CCDC7: variants seen among roughly 807,000 people sequenced by gnomAD.
The protein encoded by CCDC7 is coiled-coil domain containing 7.
In CCDC7, 183 loss-of-function variants were observed where a neutral mutation model predicts 196.9. The ratio of observed to expected loss-of-function variants is 0.93; its 90% CI spans 0.82 to 1.05. CCDC7 has a LOEUF of 1.05. Among genes scored for constraint, CCDC7 ranks in the 50% least tolerant of loss-of-function variants. The pLI is 0.00. For synonymous variants in CCDC7, 525 were observed against 484.6 expected, an observed-to-expected ratio of 1.08 and a Z score of -1.10; for missense variants, 1,540 against 1,482.2, an observed-to-expected ratio of 1.04 and a Z score of -0.64.
At chr10:32,526,304 C>T (rs1294821602) in intron 11 of CCDC7, among the ~76,000 whole-genome samples, 1 of 152,162 alleles carries the variant, frequency 6.6e-6, no homozygotes, top group Non-Finnish European at 1.5e-5. Context: ...ACTCACCCTT[C>T]AGGGCAGTGG....
intron 13 of CCDC7, among the ~76,000 whole-genome samples, chr10:32,564,645 C>G: frequency 7.3e-6 from 1 of 137,236 alleles, no homozygotes; most frequent in Non-Finnish European, 1.5e-5. Flanking sequence ...ACTCTGGGGA[C>G]TGTTGTGGGG....
chr10:32,635,188 T>C, intron 20 of CCDC7, 30 bp downstream of exon 21: 1 of 397,692 alleles, frequency 2.5e-6, no homozygotes, highest in Non-Finnish European at 4.4e-6. Context: ...TGTTATAAAA[T>C]TATTTTCAAT....
At chr10:32,474,210 C>CTTTTTTTTTTT (rs71027095) in intron 8 of CCDC7, among the ~76,000 whole-genome samples, 187 bp downstream of exon 9, 2 of 58,958 alleles carry the variant, frequency 3.4e-5, no homozygotes, top group African/African-American at 6.2e-5. Flanking sequence ...AAACTAGATT[C>CTTTTTTTTTTT]TTTTTTTTTT....
intron 21 of CCDC7, among the ~76,000 whole-genome samples, chr10:32,671,566 G>A (rs549158910): frequency 6.6e-6 from 1 of 152,224 alleles, no homozygotes; most frequent in East Asian, 1.9e-4. Flanking sequence ...TTTTTATGAG[G>A]CAGTTCTTAT....
intron 18 of CCDC7, among the ~76,000 whole-genome samples, chr10:32,593,821 CTTG>C (rs2060026504): frequency 1.3e-5 from 2 of 152,092 alleles, no homozygotes; most frequent in African/African-American, 4.8e-5. Flanking sequence ...TTCCCTATTA[CTTG>C]TTGTTGTCAG....
At chr10:32,515,783 G>T (rs1206450986) in intron 9 of CCDC7, among the ~76,000 whole-genome samples, 3 of 151,352 alleles carry the variant, frequency 2.0e-5, no homozygotes, top group African/African-American at 4.9e-5. Flanking sequence ...CTCGTGATCC[G>T]CCCACCTCGC....
rs2054690617 is a variant in CCDC7 at position 32,558,265 on chromosome 10, GATT to G, written c.1135-7283_1135-7281del. On this transcript the variant is annotated intron_variant, in intron 13 of 41. Coordinates refer to ENST00000639629, the Ensembl canonical transcript of CCDC7. ...ACCCTAGATTGTGTTATATTCTTCT[GATT>G]ATTATTATTTTTTTCTTTAATATAT... 2.0e-5 allele frequency among the ~76,000 whole-genome samples: 3 copies of G among 152,066 alleles called. No individual in the cohort carries two copies. In the South Asian group the frequency reaches 6.2e-4, roughly 32 times the overall value.
At chr10:32,520,285 A>T (rs1589461159) in intron 11 of CCDC7, among the ~76,000 whole-genome samples, 1 of 152,134 alleles carries the variant, frequency 6.6e-6, no homozygotes, top group Non-Finnish European at 1.5e-5. Context: ...TTTTTTGAGC[A>T]ACCCTCAAAC....
At chr10:32,500,735 A>G (rs529065735) in intron 9 of CCDC7, among the ~76,000 whole-genome samples, 3 of 152,260 alleles carry the variant, frequency 2.0e-5, no homozygotes, top group Admixed American at 2.0e-4. Flanking sequence ...AGATCACACC[A>G]CTGCACTCCA....
At chr10:32,554,427 A>T (rs551513569) in intron 13 of CCDC7, among the ~76,000 whole-genome samples, 2 of 152,104 alleles carry the variant, frequency 1.3e-5, no homozygotes, top group African/African-American at 2.4e-5. Flanking sequence ...TGTCCTCCCA[A>T]TGGATCCCTG....
intron 20 of CCDC7, among the ~76,000 whole-genome samples, chr10:32,640,138 G>T (rs1207979286): frequency 1.3e-5 from 2 of 152,076 alleles, no homozygotes; most frequent in South Asian, 4.1e-4. Context: ...GTTGACAGTG[G>T]GGTGTTAAAG....
chr10:32,528,689 TAC>T (rs1288634411), intron 11 of CCDC7, among the ~76,000 whole-genome samples: 70 of 117,380 alleles, frequency 6.0e-4, no homozygotes, highest in African/African-American at 2.3e-3. Context: ...TGCATATATA[TAC>T]ACACACATAT....
chr10:32,744,346 C>T (rs1332286235), intron 28 of CCDC7, among the ~76,000 whole-genome samples: 2 of 134,676 alleles, frequency 1.5e-5, no homozygotes, highest in African/African-American at 5.5e-5. Flanking sequence ...AGAAATTAAG[C>T]AAATGAATAA....
chr10:32,843,201 AAC>A (rs760640061), intron 33 of CCDC7, among the ~76,000 whole-genome samples: 1 of 152,012 alleles, frequency 6.6e-6, no homozygotes, highest in Non-Finnish European at 1.5e-5. Context: ...TAGTATAGTA[AAC>A]ACTAAAAATA....
At chr10:32,483,977 G>A (rs1429870438) in intron 8 of CCDC7, among the ~76,000 whole-genome samples, 1 of 152,130 alleles carries the variant, frequency 6.6e-6, no homozygotes, top group Non-Finnish European at 1.5e-5. Flanking sequence ...TTGGCAATGT[G>A]GGCTCTTTTT....
chr10:32,595,042 A>G (rs1015028311), intron 18 of CCDC7, among the ~76,000 whole-genome samples: 9 of 152,162 alleles, frequency 5.9e-5, no homozygotes, highest in African/African-American at 1.2e-4. Context: ...AGGCTTTGGT[A>G]TCAGGATGAT....
chr10:32,656,545 C>T (rs1341353766), intron 20 of CCDC7, among the ~76,000 whole-genome samples: 2 of 152,166 alleles, frequency 1.3e-5, no homozygotes, highest in African/African-American at 2.4e-5. Context: ...GGGAAAGCAC[C>T]TCAGAAAACC....
At chr10:32,657,282 G>T (rs1293480528) in intron 20 of CCDC7, among the ~76,000 whole-genome samples, 1 of 152,214 alleles carries the variant, frequency 6.6e-6, no homozygotes, top group Non-Finnish European at 1.5e-5. Flanking sequence ...GACTCTGTGT[G>T]GGGGCTCCAA....
intron 31 of CCDC7, 29 bp from the exon 33 acceptor site, chr10:32,824,489 T>C: frequency 7.0e-7 from 1 of 1,427,220 alleles, no homozygotes. Flanking sequence ...ATTAAAAAAG[T>C]GTTTTGAAAT....
Sources: allele counts gnomAD v4.1 joint callset (sites outside exome capture counted in the v4.1 genomes callset), GRCh38; gene constraint gnomAD v4.1.1; transcripts MANE v1.5; gene names NCBI Gene and HGNC (gene_info 2026-07-23, HGNC 2026-07-21).